TICRR: variants seen among roughly 807,000 people sequenced by gnomAD.
The protein encoded by TICRR is TOPBP1 interacting checkpoint and replication regulator.
Under a neutral mutation model 178.1 loss-of-function variants are expected in TICRR, and 132 were observed. That is an observed-to-expected ratio of 0.74 (90% CI 0.64 to 0.86). The LOEUF (loss-of-function observed/expected upper bound fraction) is 0.86. Ranked by LOEUF, TICRR falls within the 40% of genes least tolerant of loss-of-function variation. The probability of loss-of-function intolerance (pLI) is 0.00; values close to 1 mark genes in which losing one functional copy is unlikely to be tolerated. For synonymous variants in TICRR, 991 were observed against 900.7 expected (o/e 1.10, Z -1.79); for missense variants, 2,587 against 2,334.3 (o/e 1.11, Z -2.23).
chr15:89,625,918 T>G lies in TICRR; in HGVS notation c.5477-18T>G, dbSNP rs762970439. On this transcript the variant is annotated intron_variant, in intron 20 of 21. Transcript: ENST00000268138. ...GGGGGTCTGGGGACGCTGCTCTTAC[T>G]ATGTGGGATCTCTTTAGGCTCCACC... 4 of 1,553,550 alleles carry G rather than the reference T, an allele frequency of 2.6e-6. No individual in the cohort carries two copies.
chr15:89,587,806 A>G (rs1187514096), intron 4 of TICRR, among the ~76,000 whole-genome samples: 2 of 152,216 alleles, frequency 1.3e-5, no homozygotes, highest in Non-Finnish European at 2.9e-5. Flanking sequence ...GCAAGTGTGG[A>G]CAATTTTTTG....
chr15:89,620,690 T>A (rs1963409253), intron 18 of TICRR, among the ~76,000 whole-genome samples: 1 of 152,156 alleles, frequency 6.6e-6, no homozygotes, highest in African/African-American at 2.4e-5. Context: ...CTTTCTTTTA[T>A]GAACTGGCTG....
intron 4 of TICRR, 123 bp from the exon 5 acceptor site, chr15:89,591,924 C>A (rs1962919262): frequency 1.3e-6 from 1 of 754,078 alleles, no homozygotes; most frequent in Admixed American, 3.0e-5. Flanking sequence ...CAAATGTTAA[C>A]TGTGCACTTT....
At chr15:89,618,895 G>A (rs1307755806) in intron 17 of TICRR, among the ~76,000 whole-genome samples, 2 of 152,238 alleles carry the variant, frequency 1.3e-5, no homozygotes, top group Non-Finnish European at 1.5e-5. Context: ...GGAGTTCAAG[G>A]CTGCAGTGAG....
Position 89,594,456 on chromosome 15 carries a change from A to G in TICRR, c.1583A>G (p.Lys528Arg), listed in dbSNP as rs1962963024. The change falls in exon 6 of 22, where the codon AAA becomes AGA. Residue 528 changes from lysine (K) to arginine (R), a missense_variant. By Grantham distance (26) the Lys-to-Arg change is conservative. Coordinates refer to ENST00000268138, the MANE Select transcript of TICRR (RefSeq NM_152259.4). ...AASANKEESS[K>R]TEGELIHCLA... ...TCAGCTAATAAGGAAGAGTCTTCCA[A>G]AACTGAAGGCGAATTAATACATTGC... 6.2e-7 allele frequency: 1 copy of G among 1,613,406 alleles called. No homozygotes were observed. The highest frequency in any genetic ancestry group is 8.5e-7 in the Non-Finnish European group (1 of 1,179,636).
chr15:89,624,788 C>G lies in TICRR; in HGVS notation c.4478C>G (p.Thr1493Arg). 1.2e-6 allele frequency: 2 copies of G among 1,614,202 alleles called. No homozygotes were observed. Among genetic ancestry groups the G allele is most frequent in the Non-Finnish European group, 1.7e-6 (2 of 1,180,042 alleles). The change falls in exon 20 of 22, where the codon ACA becomes AGA. Residue 1493 changes from threonine (T) to arginine (R), a missense_variant. Physicochemically the swap from Thr to Arg is moderately conservative, Grantham distance 71. Coordinates refer to ENST00000268138, the MANE Select transcript of TICRR (RefSeq NM_152259.4). ...GTGGAAGAGGGTGAGGGGCTAAGGA[C>G]AGCAGATGCTGAGAAGTCTTCTCTG... The part of the protein sequence containing the change: ...LSVEEGEGLR[T>R]ADAEKSSLSH...
Position 89,626,012 on chromosome 15 carries a change from G to A in TICRR, c.5553G>A (p.Pro1851=), listed in dbSNP as rs746116590. 28 of 1,613,290 alleles carry A rather than the reference G, an allele frequency of 1.7e-5. No homozygotes were observed. The East Asian group carries it at 4.2e-4, about 24-fold the overall frequency. ...CCCTCCAGGCTCTGACCCAGTCTCC[G>A]CTGCTGTTCCAGGGGAAAACACCTT... ...ASALQALTQS[P]LLFQGKTPSS... is the part of the protein sequence containing the mutation. Residue 1851 remains proline, a synonymous_variant, in exon 21 of 22, where the codon CCG becomes CCA. Transcript: ENST00000268138.
chr15:89,577,575 TAC>T (rs1439736514), intron 1 of TICRR, among the ~76,000 whole-genome samples: 1 of 142,260 alleles, frequency 7.0e-6, no homozygotes, highest in Non-Finnish European at 1.5e-5. Flanking sequence ...GGTTATTGTA[TAC>T]AGAGTGGTAG....
chr15:89,575,529 G>C lies in TICRR; in HGVS notation c.-58G>C, dbSNP rs1962593100. 2.8e-6 allele frequency: 4 copies of C among 1,422,372 alleles called. No homozygotes were observed. The highest frequency in any genetic ancestry group is 6.0e-5 in the Admixed American group (2 of 33,428). The allele number at this position is 1,422,372 out of a possible 1,614,324, so 88.1% of individuals were successfully genotyped here. A position where few individuals can be genotyped will look rare whatever the true frequency, so the allele number is the denominator to read the frequency against. On this transcript the variant is annotated 5_prime_UTR_variant, in exon 1 of 22. Transcript: ENST00000268138. ...GTGGTGCTGTTTCCCTGAAGGAAGG[G>C]ACTAAGGGACGGTGGCGCGGGCCCG...
Position 89,601,394 on chromosome 15 carries a change from A to G in TICRR, c.2247+3A>G. On this transcript the variant is annotated splice_donor_region_variant and intron_variant, in intron 10 of 21. Transcript: ENST00000268138. ...ATATGGAACAAGTAGTGGAGGAGGC[A>G]AGTATATAGTTTCGTGCCATTGAAA... 6.2e-7 allele frequency: 1 copy of G among 1,613,998 alleles called. No individual in the cohort carries two copies.
intron 5 of TICRR, among the ~76,000 whole-genome samples, chr15:89,593,596 C>T (rs1404703370): frequency 2.0e-5 from 3 of 152,170 alleles, no homozygotes; most frequent in African/African-American, 4.8e-5. Context: ...GTCCCAGCTA[C>T]TTGGGAGGCT....
intron 21 of TICRR, among the ~76,000 whole-genome samples, chr15:89,626,339 G>A (rs1332267385): frequency 6.6e-6 from 1 of 152,230 alleles, no homozygotes; most frequent in African/African-American, 2.4e-5. Context: ...CTCATCTGCA[G>A]TCTAAGAATC....
Position 89,619,661 on chromosome 15 carries a change from A to G in TICRR, c.3020-47A>G, listed in dbSNP as rs773879587. ...GTTTTGGACAACATGAGAAAATGTC[A>G]AGCTTGTAGTTGTCTTTGGTTACTT... On this transcript the variant is annotated intron_variant, in intron 17 of 21. Coordinates refer to ENST00000268138, the MANE Select transcript of TICRR (RefSeq NM_152259.4). 3 of 1,561,210 alleles carry G rather than the reference A, an allele frequency of 1.9e-6. No individual in the cohort carries two copies. In the Admixed American group the frequency reaches 6.0e-5, roughly 31 times the overall value.
intron 17 of TICRR, among the ~76,000 whole-genome samples, chr15:89,618,808 A>T (rs1345683372): frequency 2.0e-5 from 3 of 152,168 alleles, no homozygotes; most frequent in African/African-American, 4.8e-5. Flanking sequence ...AAATTTAAAA[A>T]ATCAGCTGGT....
At chr15:89,622,151 A>G (rs985237886) in intron 19 of TICRR, among the ~76,000 whole-genome samples, 1 of 151,864 alleles carries the variant, frequency 6.6e-6, no homozygotes, top group African/African-American at 2.4e-5. Context: ...ACGCCCAACT[A>G]ATTTTTGTGC....
At chr15:89,588,673 G>A (rs978825534) in intron 4 of TICRR, among the ~76,000 whole-genome samples, 3 of 152,084 alleles carry the variant, frequency 2.0e-5, no homozygotes, top group African/African-American at 4.8e-5. Flanking sequence ...AGGGCAACAC[G>A]CTGGGGCACC....
At chr15:89,595,642 T>C (rs1395121447) in intron 7 of TICRR, 31 bp downstream of exon 7, 4 of 1,528,490 alleles carry the variant, frequency 2.6e-6, no homozygotes, top group Non-Finnish European at 1.8e-6. Flanking sequence ...TTTACTCTTT[T>C]ATACCCCGCT....
At position 89,625,403 on chromosome 15, in the gene TICRR, C is replaced by T. The variant is rs373178516; in HGVS notation, c.5093C>T (p.Ser1698Phe). The change falls in exon 20 of 22, where the codon TCC (serine) becomes TTC (phenylalanine). Residue 1698 changes from serine (S) to phenylalanine (F), a missense_variant. By Grantham distance (155) the Ser-to-Phe change is radical. Transcript: ENST00000268138. ...RKRAVGCGAG[S>F]SSGRGEVGAD... ...AGGGCGGTGGGCTGTGGCGCCGGCT[C>T]CTCTTCCGGGAGGGGCGAGGTCGGT... The T allele has an allele frequency of 5.6e-6, 9 of 1,613,810 alleles. No individual in the cohort carries two copies. Among genetic ancestry groups the T allele is most frequent in the Middle Eastern group, 1.6e-4 (1 of 6,084 alleles).
intron 4 of TICRR, among the ~76,000 whole-genome samples, chr15:89,588,518 C>T (rs548411518): frequency 2.6e-5 from 4 of 152,184 alleles, no homozygotes; most frequent in Admixed American, 2.0e-4. Context: ...GAAGGACAGG[C>T]GATCAGATCA....
Sources: allele counts gnomAD v4.1 joint callset (sites outside exome capture counted in the v4.1 genomes callset), GRCh38; gene constraint gnomAD v4.1.1; transcripts MANE v1.5; gene names NCBI Gene and HGNC (gene_info 2026-07-23, HGNC 2026-07-21).